MPP7: variants seen among roughly 807,000 people sequenced by gnomAD.
The protein encoded by MPP7 is MAGUK p55 scaffold protein 7.
Under a neutral mutation model 76.5 loss-of-function variants are expected in MPP7, and 60 were observed. That is an observed-to-expected ratio of 0.78 (90% confidence interval 0.64 to 0.97). The LOEUF is 0.97. Among genes scored for constraint, MPP7 ranks in the 50% least tolerant of loss-of-function variants. MPP7 has a pLI of 0.00. For synonymous variants in MPP7, 237 were observed against 244.5 expected (o/e 0.97, Z 0.29); for missense variants, 641 against 694.0 (o/e 0.92, Z 0.86).
intron 1 of MPP7, among the ~76,000 whole-genome samples, chr10:28,267,151 G>A (rs1290239409): frequency 2.6e-5 from 4 of 152,218 alleles, no homozygotes; most frequent in East Asian, 3.9e-4. Context: ...CTTATATATT[G>A]TCTACAGCTG....
At chr10:28,145,456 AT>A (rs1835673196) in intron 5 of MPP7, among the ~76,000 whole-genome samples, 2 of 152,194 alleles carry the variant, frequency 1.3e-5, no homozygotes, top group Admixed American at 1.3e-4. Flanking sequence ...TCACAAAAAG[AT>A]TTTAGTTTAC....
intron 12 of MPP7, among the ~76,000 whole-genome samples, chr10:28,086,418 A>C (rs1853012047): frequency 6.6e-6 from 1 of 152,200 alleles, no homozygotes; most frequent in South Asian, 2.1e-4. Flanking sequence ...GCCAAAGGGG[A>C]AACAGGGCAA....
At chr10:28,120,709 C>T (rs775999247) in intron 8 of MPP7, 41 bp from the exon 9 acceptor site, 1 of 1,522,974 alleles carries the variant, frequency 6.6e-7, no homozygotes, top group Non-Finnish European at 9.1e-7. Flanking sequence ...AAAACCAGAC[C>T]CAAGGAAGAA....
intron 11 of MPP7, among the ~76,000 whole-genome samples, chr10:28,105,959 A>G (rs1834311163): frequency 6.6e-6 from 1 of 152,146 alleles, no homozygotes; most frequent in Non-Finnish European, 1.5e-5. Context: ...CAGTCTGCAG[A>G]GTGTCTGTGA....
intron 12 of MPP7, among the ~76,000 whole-genome samples, chr10:28,081,767 T>TC: frequency 1.5e-5 from 2 of 137,456 alleles, no homozygotes; most frequent in Middle Eastern, 6.9e-3. Flanking sequence ...AAAATTATTC[T>TC]CTTTTTTTTT....
intron 2 of MPP7, among the ~76,000 whole-genome samples, chr10:28,320,728 T>G (rs1021561525): frequency 6.6e-6 from 1 of 152,282 alleles, no homozygotes; most frequent in Admixed American, 6.5e-5. Flanking sequence ...TGTTGTTCAG[T>G]TGTCAGTTTT....
intron 2 of MPP7, among the ~76,000 whole-genome samples, chr10:28,309,689 AT>A (rs1841278258): frequency 6.6e-6 from 1 of 152,266 alleles, no homozygotes; most frequent in South Asian, 2.1e-4. Flanking sequence ...CTCACATTGA[AT>A]TGTGGTCCCC....
At chr10:28,284,755 T>C (rs1331513952) in intron 1 of MPP7, among the ~76,000 whole-genome samples, 1 of 152,230 alleles carries the variant, frequency 6.6e-6, no homozygotes, top group African/African-American at 2.4e-5. Context: ...ACTTTTCACT[T>C]ACTCTATTAT....
At chr10:28,141,217 A>C (rs1835507315) in intron 5 of MPP7, among the ~76,000 whole-genome samples, 1 of 152,084 alleles carries the variant, frequency 6.6e-6, no homozygotes, top group Non-Finnish European at 1.5e-5. Context: ...TTTAAATGAG[A>C]CAACAAAACT....
chr10:28,200,173 G>A, intron 3 of MPP7, among the ~76,000 whole-genome samples: 1 of 152,120 alleles, frequency 6.6e-6, no homozygotes, highest in South Asian at 2.1e-4. Context: ...GCTGTTTAAA[G>A]CTCCAGTCCC....
intron 1 of MPP7, among the ~76,000 whole-genome samples, chr10:28,244,726 A>C (rs1839376228): frequency 6.6e-6 from 1 of 152,180 alleles, no homozygotes; most frequent in Non-Finnish European, 1.5e-5. Flanking sequence ...AGGCGAAGAG[A>C]CCCAGGCTTC....
chr10:28,164,868 G>A (rs1300021932), intron 3 of MPP7, among the ~76,000 whole-genome samples: 1 of 152,128 alleles, frequency 6.6e-6, no homozygotes, highest in East Asian at 1.9e-4. Flanking sequence ...GTATGTTGCT[G>A]TTTGGGTGAT....
At position 28,052,397 on chromosome 10, in the gene MPP7, T is replaced by C. The variant is rs757215280; in HGVS notation, c.*1668A>G. On this transcript the variant is annotated 3_prime_UTR_variant, in exon 17 of 17. Coordinates refer to ENST00000683449, the MANE Select transcript of MPP7 (RefSeq NM_001318170.2). ...ACTCACTGTCTGGATCACGTTGTTATATAATACTTAGTCTGATTATCTATT... is the reference window on the plus strand; with the variant it reads ...ACTCACTGTCTGGATCACGTTGTTACATAATACTTAGTCTGATTATCTATT... 1.3e-5 allele frequency: 2 copies of C among 152,254 alleles called. No homozygotes were observed. Among genetic ancestry groups the C allele is most frequent in the African/African-American group, 4.8e-5 (2 of 41,462 alleles). 9.4% of individuals were successfully genotyped at this position (152,254 alleles called of 1,614,324 possible). A position where few individuals can be genotyped will look rare whatever the true frequency, so the allele number is the denominator to read the frequency against.
intron 6 of MPP7, among the ~76,000 whole-genome samples, chr10:28,125,539 A>G (rs148828067): frequency 3.3e-4 from 51 of 152,248 alleles, no homozygotes; most frequent in African/African-American, 1.2e-3. Flanking sequence ...TAAAACCCAG[A>G]TCATTTGACT....
At chr10:28,322,241 G>A (rs189987191) in intron 2 of MPP7, among the ~76,000 whole-genome samples, 236 of 152,164 alleles carry the variant, frequency 1.6e-3, no homozygotes, top group African/African-American at 5.6e-3. Context: ...GTGTGGTGCT[G>A]AAACAGATGG....
At chr10:28,226,363 C>T (rs1055517611) in intron 2 of MPP7, among the ~76,000 whole-genome samples, 1 of 152,104 alleles carries the variant, frequency 6.6e-6, no homozygotes, top group Admixed American at 6.5e-5. Context: ...TCTCATGCCT[C>T]AGCCTCCTGA....
Position 28,267,246 on chromosome 10 carries a change from C to CA in MPP7, c.-131-28512dup, listed in dbSNP as rs543057782. Among the ~76,000 whole-genome samples the CA allele has an allele frequency of 4.8e-3, 730 of 152,002 alleles. 7 individuals are homozygous for CA. Among genetic ancestry groups the CA allele is most frequent in the African/African-American group, 0.016 (661 of 41,480 alleles). On this transcript the variant is annotated intron_variant, in intron 1 of 16. Coordinates refer to ENST00000683449, the MANE Select transcript of MPP7 (RefSeq NM_001318170.2). ...CTTAGTACATTGCATCTGGCCTTTA[C>CA]AAAAAAAATATTTGCTAACCTCTGC... is the stretch of plus-strand genomic sequence containing the variant.
At chr10:28,176,848 CG>C (rs1466511799) in intron 3 of MPP7, among the ~76,000 whole-genome samples, 1 of 121,904 alleles carries the variant, frequency 8.2e-6, no homozygotes, top group African/African-American at 3.2e-5. Context: ...GGACACAGGA[CG>C]GGGAACATCA....
In MPP7 at chr10:28,059,636, A is replaced by T. The variant is rs1413423783; in HGVS notation, c.1298+14T>A. ...AAAACAGTCACATGAAAATTCTCAA[A>T]AATGTCCACATACTTGTTATTTTGT... is the stretch of plus-strand genomic sequence containing the variant. On this transcript the variant is annotated intron_variant, in intron 14 of 16. Transcript: ENST00000683449. 1 of 1,596,472 alleles carries T rather than the reference A, an allele frequency of 6.3e-7. No homozygotes were observed. Among genetic ancestry groups the T allele is most frequent in the South Asian group, 1.1e-5 (1 of 90,412 alleles).
Sources: gnomAD v4.1 joint callset for allele counts (sites outside exome capture counted in the v4.1 genomes callset) on GRCh38, gnomAD v4.1.1 for gene constraint, MANE v1.5 for transcripts, NCBI Gene and HGNC (gene_info 2026-07-23, HGNC 2026-07-21) for gene names.